TMEM163: variants seen among roughly 807,000 people sequenced by gnomAD.
TMEM163 encodes the protein transmembrane protein 163.
A neutral mutation model predicts 29.3 loss-of-function variants in TMEM163; 17 were observed. That is an observed-to-expected ratio of 0.58 (90% CI 0.40 to 0.87). TMEM163 has a LOEUF of 0.87. TMEM163 is among the 40% of genes least tolerant of loss of function. TMEM163 has a pLI of 0.00. For synonymous variants in TMEM163, 157 were observed against 160.6 expected, an observed-to-expected ratio of 0.98 and a Z score of 0.17; for missense variants, 303 against 381.5, an observed-to-expected ratio of 0.79 and a Z score of 1.71.
chr2:134,629,474 G>A (rs1682922860), intron 2 of TMEM163, among the ~76,000 whole-genome samples: 1 of 152,182 alleles, frequency 6.6e-6, no homozygotes, highest in Admixed American at 6.5e-5. Context: ...TTGTAGATTA[G>A]AAGATCTGCC....
intron 2 of TMEM163, among the ~76,000 whole-genome samples, chr2:134,712,211 G>A (rs1041355746): frequency 6.6e-6 from 1 of 152,184 alleles, no homozygotes; most frequent in East Asian, 1.9e-4. Flanking sequence ...GCCTAGTTTT[G>A]CAGGGAGCAT....
intron 2 of TMEM163, among the ~76,000 whole-genome samples, chr2:134,618,897 GA>G (rs1682668464): frequency 6.6e-6 from 1 of 151,492 alleles, no homozygotes; most frequent in African/African-American, 2.4e-5. Flanking sequence ...CATTAGAAAA[GA>G]AAAAAAGACA....
chr2:134,481,681 T>C (rs1289411875), intron 5 of TMEM163, among the ~76,000 whole-genome samples: 1 of 152,192 alleles, frequency 6.6e-6, no homozygotes. Context: ...CCGTTGTTGA[T>C]GCAAGGACAG....
At chr2:134,657,039 A>G (rs938292659) in intron 2 of TMEM163, among the ~76,000 whole-genome samples, 6 of 152,082 alleles carry the variant, frequency 3.9e-5, no homozygotes, top group African/African-American at 1.5e-4. Flanking sequence ...AATAAGGGAT[A>G]TTGGCCTGTA....
chr2:134,693,515 A>C (rs1423044306), intron 2 of TMEM163, among the ~76,000 whole-genome samples: 1 of 151,212 alleles, frequency 6.6e-6, no homozygotes, highest in East Asian at 2.0e-4. Context: ...AGGTTGAGGC[A>C]GGAGAATTGC....
chr2:134,699,212 G>GT (rs757097318), intron 2 of TMEM163, among the ~76,000 whole-genome samples: 2 of 152,128 alleles, frequency 1.3e-5, no homozygotes, highest in Non-Finnish European at 2.9e-5. Context: ...AATCAAAAGT[G>GT]TTGTAGAGTG....
At chr2:134,587,739 T>A (rs540411833) in intron 2 of TMEM163, among the ~76,000 whole-genome samples, 36 of 152,330 alleles carry the variant, frequency 2.4e-4, no homozygotes, top group African/African-American at 8.2e-4. Context: ...AAAGATGCAG[T>A]TTATCCACAC....
intron 2 of TMEM163, among the ~76,000 whole-genome samples, chr2:134,585,292 G>C (rs756508595): frequency 1.4e-4 from 21 of 152,266 alleles, no homozygotes; most frequent in Non-Finnish European, 2.2e-4. Context: ...TACAGGCACA[G>C]AGTCTGGCTA....
chr2:134,493,380 T>TTTC (rs1231233968), intron 5 of TMEM163, among the ~76,000 whole-genome samples: 2 of 132,724 alleles, frequency 1.5e-5, no homozygotes, highest in African/African-American at 5.9e-5. Flanking sequence ...TTTTTTTTTT[T>TTTC]TTTTTTTTTT....
chr2:134,570,467 TATATATAC>T lies in TMEM163; in HGVS notation c.323-18384_323-18377del, dbSNP rs111526845. Reference sequence around the variant, plus strand: ...ACAGATAAGGGGGTACTACTACATATATATATACATATACATATACATATACATATACA... The same window carrying T: ...ACAGATAAGGGGGTACTACTACATATATATACATATACATATACATATACA... On this transcript the variant is annotated intron_variant, in intron 2 of 7. Coordinates refer to ENST00000281924, the MANE Select transcript of TMEM163 (RefSeq NM_030923.5). Among the ~76,000 whole-genome samples, 374 of 139,702 alleles carry T rather than the reference TATATATAC, an allele frequency of 2.7e-3. 6 individuals are homozygous for T. The East Asian group carries it at 0.034, about 13-fold the overall frequency. 91.6% of individuals were successfully genotyped at this position (139,702 alleles called of 152,430 possible). A position where few individuals can be genotyped will look rare whatever the true frequency, so the allele number is the denominator to read the frequency against.
chr2:134,627,683 G>A (rs1422665935), intron 2 of TMEM163, among the ~76,000 whole-genome samples: 1 of 152,152 alleles, frequency 6.6e-6, no homozygotes, highest in Non-Finnish European at 1.5e-5. Context: ...ACGCAACAGA[G>A]ACAGTATATA....
intron 2 of TMEM163, among the ~76,000 whole-genome samples, chr2:134,587,703 C>T (rs995568957): frequency 2.0e-5 from 3 of 152,174 alleles, no homozygotes; most frequent in African/African-American, 7.2e-5. Flanking sequence ...AGGCTTCTGG[C>T]TGATGGGATT....
In TMEM163 at chr2:134,456,233, G is replaced by A. The variant is rs1686389421; in HGVS notation, c.*483C>T. On this transcript the variant is annotated 3_prime_UTR_variant, in exon 8 of 8. Coordinates refer to ENST00000281924, the MANE Select transcript of TMEM163 (RefSeq NM_030923.5). ...TATGAAATAATGAGATACACTGATA[G>A]AAATTAGGAAGTGACATACTGATGA... is the stretch of plus-strand genomic sequence containing the variant. 6.3e-6 allele frequency: 1 copy of A among 158,236 alleles called. No individual in the cohort carries two copies. Among genetic ancestry groups the A allele is most frequent in the South Asian group, 1.9e-4 (1 of 5,246 alleles). 9.8% of individuals were successfully genotyped at this position (158,236 alleles called of 1,614,324 possible). A position where few individuals can be genotyped will look rare whatever the true frequency, so the allele number is the denominator to read the frequency against.
intron 3 of TMEM163, among the ~76,000 whole-genome samples, chr2:134,551,403 G>C (rs1054443715): frequency 6.6e-6 from 1 of 152,112 alleles, no homozygotes; most frequent in Non-Finnish European, 1.5e-5. Context: ...AGTGGGTCTG[G>C]GAACAGGCAT....
intron 1 of TMEM163, among the ~76,000 whole-genome samples, chr2:134,717,456 G>T (rs1224817736): frequency 6.6e-6 from 1 of 152,142 alleles, no homozygotes; most frequent in Non-Finnish European, 1.5e-5. Context: ...GCATCTAGGC[G>T]GATTCTCTGG....
intron 2 of TMEM163, 85 bp from the exon 3 acceptor site, chr2:134,552,176 C>T: frequency 9.3e-7 from 1 of 1,069,696 alleles, no homozygotes; most frequent in South Asian, 1.5e-5. Flanking sequence ...GCCTTTTAAA[C>T]ATCAGTGGGG....
intron 2 of TMEM163, among the ~76,000 whole-genome samples, chr2:134,640,652 C>T (rs1039461631): frequency 9.9e-5 from 15 of 152,152 alleles, no homozygotes; most frequent in African/African-American, 1.4e-4. Context: ...GGAAAAGACA[C>T]GCCCCAGGGG....
At chr2:134,695,257 C>T (rs551024352) in intron 2 of TMEM163, among the ~76,000 whole-genome samples, 1 of 151,820 alleles carries the variant, frequency 6.6e-6, no homozygotes, top group South Asian at 2.1e-4. Flanking sequence ...TTTGTATTTC[C>T]AGTAGAGATG....
intron 2 of TMEM163, among the ~76,000 whole-genome samples, chr2:134,559,027 G>T (rs973355289): frequency 6.6e-6 from 1 of 152,120 alleles, no homozygotes; most frequent in Non-Finnish European, 1.5e-5. Context: ...ACCCCTCTTA[G>T]TTCCACCTCC....
Sources: gnomAD v4.1 joint callset for allele counts (sites outside exome capture counted in the v4.1 genomes callset) on GRCh38, gnomAD v4.1.1 for gene constraint, MANE v1.5 for transcripts, NCBI Gene and HGNC (gene_info 2026-07-23, HGNC 2026-07-21) for gene names.